Variants in ZBTB8B observed in about 807,000 individuals in gnomAD.
ZBTB8B encodes the protein zinc finger and BTB domain-containing protein 8B.
A neutral mutation model predicts 30.3 loss-of-function variants in ZBTB8B; 17 were observed. The ratio of observed to expected loss-of-function variants is 0.56; its 90% CI spans 0.38 to 0.84. ZBTB8B has a LOEUF of 0.84. ZBTB8B is among the 40% of genes least tolerant of loss of function. ZBTB8B has a pLI of 0.00. For synonymous variants in ZBTB8B, 248 were observed against 255.6 expected (o/e 0.97, Z 0.28); for missense variants, 515 against 644.9 (o/e 0.80, Z 2.18).
rs1187712344 is a variant in ZBTB8B at position 32,489,588 on chromosome 1, C to T, written c.*4170C>T. On this transcript the variant is annotated 3_prime_UTR_variant, in exon 4 of 4. Coordinates refer to ENST00000609129, the MANE Select transcript of ZBTB8B (RefSeq NM_001145720.2). ...GGTATTTTTATACTAAGTAAATTTA[C>T]AGTTGAGCCCAACACAGACCGTTAG... The T allele has an allele frequency of 6.6e-6, 1 of 152,176 alleles. No homozygotes were observed. The highest frequency in any genetic ancestry group is 1.5e-5 in the Non-Finnish European group (1 of 68,040). 9.4% of individuals were successfully genotyped at this position (152,176 alleles called of 1,614,324 possible). A position where few individuals can be genotyped will look rare whatever the true frequency, so the allele number is the denominator to read the frequency against.
Position 32,471,441 on chromosome 1 carries a change from A to T in ZBTB8B, c.817A>T (p.Ser273Cys). 6.4e-7 allele frequency: 1 copy of T among 1,551,836 alleles called. No homozygotes were observed. Among genetic ancestry groups the T allele is most frequent in the Non-Finnish European group, 8.7e-7 (1 of 1,147,024 alleles). ...PSGQAVDLAY[S>C]NYHVKQFLEA... is the part of the protein sequence containing the mutation. ...CGGCCAGGCGGTTGACTTGGCTTAC[A>T]GCAACTACCACGTGAAGCAGTTCCT... The change falls in exon 2 of 4, where the codon AGC becomes TGC. Residue 273 changes from serine to cysteine, a missense_variant. By Grantham distance (112) the Ser-to-Cys change is moderately radical. Around this residue, in one of 3 missense-constraint regions of ZBTB8B, gnomAD observed 429 missense variants for 504.3 expected, o/e 0.85. Coordinates refer to ENST00000609129, the MANE Select transcript of ZBTB8B (RefSeq NM_001145720.2).
chr1:32,478,563 C>T (rs983303523), intron 2 of ZBTB8B, among the ~76,000 whole-genome samples: 2 of 152,046 alleles, frequency 1.3e-5, no homozygotes, highest in Non-Finnish European at 2.9e-5. Flanking sequence ...GTATCAGTAC[C>T]AGTGTGAGCA....
chr1:32,470,683 G>C lies in ZBTB8B; in HGVS notation c.59G>C (p.Arg20Thr), dbSNP rs1201386438. The stretch of plus-strand genomic sequence containing the variant: ...GGGGAGCTGAATGAACAGAGAAAGA[G>C]GGACTTTTTCTGTGACTGCAGCATC... ...LLGELNEQRK[R>T]DFFCDCSIIV... The change falls in exon 2 of 4, where the codon AGG (arginine) becomes ACG (threonine). Residue 20 changes from arginine to threonine, a missense_variant. This residue lies in a region of ZBTB8B where 25 missense variants were observed against 22.9 expected (regional missense o/e 1.09). Coordinates refer to ENST00000609129, the MANE Select transcript of ZBTB8B (RefSeq NM_001145720.2). The C allele has an allele frequency of 1.3e-6, 2 of 1,551,542 alleles. No individual in the cohort carries two copies. The highest frequency in any genetic ancestry group is 1.4e-5 in the African/African-American group (1 of 72,994).
chr1:32,474,912 A>AT (rs1643651401), intron 2 of ZBTB8B, among the ~76,000 whole-genome samples: 3 of 152,316 alleles, frequency 2.0e-5, no homozygotes, highest in Middle Eastern at 3.4e-3. Flanking sequence ...CAGTGCAATG[A>AT]TTTTTTTCTT....
Position 32,496,347 on chromosome 1 carries a change from C to T in ZBTB8B, c.*10929C>T, listed in dbSNP as rs1386093022. ...GCCGAGCTCTACAGTTACACACTGT[C>T]CAACAGCTCTCGGAAGAAAAACAGA... On this transcript the variant is annotated 3_prime_UTR_variant, in exon 4 of 4. Transcript: ENST00000609129. 6.6e-6 allele frequency: 1 copy of T among 152,184 alleles called. No individual in the cohort carries two copies. 9.4% of individuals were successfully genotyped at this position (152,184 alleles called of 1,614,324 possible).
rs1249505133 is a variant in ZBTB8B at position 32,470,589 on chromosome 1, C to T, written c.-36C>T. 7.0e-7 allele frequency: 1 copy of T among 1,437,078 alleles called. No individual in the cohort carries two copies. The highest frequency in any genetic ancestry group is 1.5e-5 in the African/African-American group (1 of 67,274). 89.0% of individuals were successfully genotyped at this position (1,437,078 alleles called of 1,614,324 possible). On this transcript the variant is annotated 5_prime_UTR_variant, in exon 2 of 4. Transcript: ENST00000609129. ...CTTAAGAAAAATCTTGGCAGAGATA[C>T]AGGTTTGCTCTGGAGCAGCAGCAGC...
At chr1:32,477,288 T>G (rs933082354) in intron 2 of ZBTB8B, among the ~76,000 whole-genome samples, 2 of 152,302 alleles carry the variant, frequency 1.3e-5, no homozygotes, top group Admixed American at 6.5e-5. Context: ...AGACTTAACT[T>G]CTTGAGGGAG....
chr1:32,484,163 A>G lies in ZBTB8B; in HGVS notation c.1171-938A>G, dbSNP rs953657977. 6.6e-6 allele frequency among the ~76,000 whole-genome samples: 1 copy of G among 151,384 alleles called. No homozygotes were observed. The highest frequency in any genetic ancestry group is 2.1e-4 in the South Asian group (1 of 4,802). On this transcript the variant is annotated intron_variant, in intron 3 of 3. Coordinates refer to ENST00000609129, the MANE Select transcript of ZBTB8B (RefSeq NM_001145720.2). The surrounding 1 kb of genome is among the most constrained non-coding windows in gnomAD (Gnocchi z 4.5). ...TTCAGGGCTTTAGTAAGCTATTATC[A>G]TGTCACTGCACTCCAGCCTGGGTGA... is the stretch of plus-strand genomic sequence containing the variant.
At position 32,465,583 on chromosome 1, in the gene ZBTB8B, A is replaced by G. The variant is rs1643564933; in HGVS notation, c.-42+478A>G. Among the ~76,000 whole-genome samples, 1 of 152,190 alleles carries G rather than the reference A, an allele frequency of 6.6e-6. No homozygotes were observed. Among genetic ancestry groups the G allele is most frequent in the African/African-American group, 2.4e-5 (1 of 41,446 alleles). ...ACGGGGGAGGGTCTGTCTTGCGAGCAGTTTAGATGCAGTTGACCCTGAAAT... is the reference window on the plus strand; with the variant it reads ...ACGGGGGAGGGTCTGTCTTGCGAGCGGTTTAGATGCAGTTGACCCTGAAAT... On this transcript the variant is annotated intron_variant, in intron 1 of 3. Transcript: ENST00000609129. This position sits in a 1 kb window ranked among gnomAD's most constrained non-coding sequence, Gnocchi z 4.1.
rs1557680620 is a variant in ZBTB8B, at chr1:32,470,514, A to AAAAATAAAAAAT, written c.-41-66_-41-65insTAAAAAATAAAA. On this transcript the variant is annotated intron_variant, in intron 1 of 3. Transcript: ENST00000609129. ...GACGCTGACTCAAAAAAAAAAAAAA[A>AAAAATAAAAAAT]AAAAAAAAAAAAGAAATCTTGTTTG... 2.6e-4 allele frequency: 287 copies of AAAAATAAAAAAT among 1,100,544 alleles called. 4 individuals are homozygous for AAAAATAAAAAAT. In the African/African-American group the frequency reaches 4.4e-3, roughly 17 times the overall value. The allele number at this position is 1,100,544 out of a possible 1,614,324, so 68.2% of individuals were successfully genotyped here. A position where few individuals can be genotyped will look rare whatever the true frequency, so the allele number is the denominator to read the frequency against.
At chr1:32,478,249 C>T (rs1014011104) in intron 2 of ZBTB8B, among the ~76,000 whole-genome samples, 4 of 151,856 alleles carry the variant, frequency 2.6e-5, no homozygotes, top group African/African-American at 4.8e-5. Context: ...TGGTGGCTCA[C>T]GCCTATAATC....
intron 2 of ZBTB8B, among the ~76,000 whole-genome samples, chr1:32,478,083 G>A (rs1643677619): frequency 6.6e-6 from 1 of 151,960 alleles, no homozygotes; most frequent in Non-Finnish European, 1.5e-5. Flanking sequence ...AGCTGCACAT[G>A]GTGGCACACG....
chr1:32,467,976 C>T (rs180689864), intron 1 of ZBTB8B, among the ~76,000 whole-genome samples: 3 of 151,704 alleles, frequency 2.0e-5, no homozygotes, highest in East Asian at 3.9e-4. Flanking sequence ...ATTAGCCTGG[C>T]GTGGGGGTGG....
At chr1:32,482,750 G>A (rs1178724516) in intron 3 of ZBTB8B, among the ~76,000 whole-genome samples, 1 of 150,850 alleles carries the variant, frequency 6.6e-6, no homozygotes, top group Non-Finnish European at 1.5e-5. Context: ...TCTGATAAGT[G>A]TCTAGTATGC....
chr1:32,480,860 C>A (rs1643698629), intron 2 of ZBTB8B, 31 bp from the exon 3 acceptor site: 1 of 1,542,714 alleles, frequency 6.5e-7, no homozygotes, highest in Non-Finnish European at 8.8e-7. Flanking sequence ...CTGCATACAG[C>A]ACAGCTAAAT....
chr1:32,476,276 TA>T (rs1643664674), intron 2 of ZBTB8B, among the ~76,000 whole-genome samples: 1 of 152,118 alleles, frequency 6.6e-6, no homozygotes, highest in African/African-American at 2.4e-5. Flanking sequence ...GCTGGGATTA[TA>T]AGCATGAGCC....
chr1:32,479,614 G>A (rs956026904), intron 2 of ZBTB8B, among the ~76,000 whole-genome samples: 3 of 152,202 alleles, frequency 2.0e-5, no homozygotes, highest in Non-Finnish European at 2.9e-5. Flanking sequence ...CCGTGGTTCC[G>A]TGGATTCAAC....
In ZBTB8B at chr1:32,490,545, G is replaced by A. The variant is rs577502997; in HGVS notation, c.*5127G>A. 2.0e-5 allele frequency: 3 copies of A among 152,300 alleles called. No homozygotes were observed. The highest frequency in any genetic ancestry group is 2.9e-5 in the Non-Finnish European group (2 of 68,028). 9.4% of individuals were successfully genotyped at this position (152,300 alleles called of 1,614,324 possible). On this transcript the variant is annotated 3_prime_UTR_variant, in exon 4 of 4. Transcript: ENST00000609129. Reference sequence around the variant, plus strand: ...AGTGTTTTGGGGTCAGAGTAGTTTGGTTGGTTCCTAAACATGTCCTAGTTT... The same window carrying A: ...AGTGTTTTGGGGTCAGAGTAGTTTGATTGGTTCCTAAACATGTCCTAGTTT...
chr1:32,465,941 G>A lies in ZBTB8B; in HGVS notation c.-42+836G>A, dbSNP rs529144680. On this transcript the variant is annotated intron_variant, in intron 1 of 3. Coordinates refer to ENST00000609129, the MANE Select transcript of ZBTB8B (RefSeq NM_001145720.2). This position sits in a 1 kb window ranked among gnomAD's most constrained non-coding sequence, Gnocchi z 4.1. Reference sequence around the variant, plus strand: ...CGCACCTGTAGTCCCTGCTACTCGGGAAGCTAAGGTTGGGAGGATCTCTTG... The same window carrying A: ...CGCACCTGTAGTCCCTGCTACTCGGAAAGCTAAGGTTGGGAGGATCTCTTG... Among the ~76,000 whole-genome samples the A allele has an allele frequency of 3.3e-5, 5 of 152,278 alleles. No individual in the cohort carries two copies. Among genetic ancestry groups the A allele is most frequent in the African/African-American group, 1.2e-4 (5 of 41,564 alleles).
Sources: gnomAD v4.1 joint callset for allele counts (sites outside exome capture counted in the v4.1 genomes callset) on GRCh38, gnomAD v4.1.1 for gene constraint, gnomAD v4.1.1 regional missense constraint, Gnocchi (gnomAD v3.1) non-coding constraint, MANE v1.5 for transcripts, NCBI Gene and HGNC (gene_info 2026-07-23, HGNC 2026-07-21) for gene names.